PCDH15: variants seen among roughly 807,000 people sequenced by gnomAD.
PCDH15 encodes protocadherin-15.
A neutral mutation model predicts 178.5 loss-of-function variants in PCDH15; 129 were observed. That is an observed-to-expected ratio of 0.72 (90% CI 0.63 to 0.84). PCDH15 has a LOEUF of 0.84. PCDH15 is among the 40% of genes least tolerant of loss of function. The pLI is 0.00. For synonymous variants in PCDH15, 800 were observed against 732.0 expected, an observed-to-expected ratio of 1.09 and a Z score of -1.50; for missense variants, 2,230 against 2,099.9, an observed-to-expected ratio of 1.06 and a Z score of -1.21.
chr10:53,815,620 A>T (rs543320848), intron 35 of PCDH15, among the ~76,000 whole-genome samples: 4 of 152,304 alleles, frequency 2.6e-5, no homozygotes, highest in Non-Finnish European at 5.9e-5. Flanking sequence ...GAAAAGGAAT[A>T]AAATTTTTGT....
chr10:55,333,792 A>C (rs1182257594), intron 2 of PCDH15, among the ~76,000 whole-genome samples: 4 of 151,952 alleles, frequency 2.6e-5, no homozygotes, highest in Non-Finnish European at 4.4e-5. Flanking sequence ...TTTCTTAATA[A>C]AAATTTCAAG....
At chr10:54,521,059 T>C (rs1431470489) in intron 3 of PCDH15, among the ~76,000 whole-genome samples, 2 of 107,548 alleles carry the variant, frequency 1.9e-5, no homozygotes, top group Non-Finnish European at 3.5e-5. Context: ...CTGGGGACTG[T>C]TGTGGGGTGG....
At chr10:54,170,248 A>G (rs1237235180) in intron 13 of PCDH15, among the ~76,000 whole-genome samples, 2 of 103,746 alleles carry the variant, frequency 1.9e-5, no homozygotes, top group African/African-American at 4.0e-5. Context: ...TGATCTCTCA[A>G]ACCACAGCAA....
rs538222127 is a variant in PCDH15, at chr10:55,552,613, T to C, written c.-156+75012A>G. On this transcript the variant is annotated intron_variant, in intron 2 of 5. Coordinates refer to the PCDH15 transcript ENST00000613346. ...ATTAGCACTTCATAATTTGAAAAAATATACAGTTGTTACAGTCAACATTTT... is the reference window on the plus strand; with the variant it reads ...ATTAGCACTTCATAATTTGAAAAAACATACAGTTGTTACAGTCAACATTTT... Among the ~76,000 whole-genome samples, 6 of 151,462 alleles carry C rather than the reference T, an allele frequency of 4.0e-5. No individual in the cohort carries two copies. In the East Asian group the frequency reaches 1.2e-3, roughly 29 times the overall value.
intron 8 of PCDH15, among the ~76,000 whole-genome samples, chr10:54,314,908 G>A (rs1478084417): frequency 6.6e-6 from 1 of 152,110 alleles, no homozygotes; most frequent in Non-Finnish European, 1.5e-5. Context: ...TGTGGTATAT[G>A]TACATCATTT....
intron 8 of PCDH15, among the ~76,000 whole-genome samples, chr10:54,280,902 C>A (rs2058662911): frequency 6.6e-6 from 1 of 151,730 alleles, no homozygotes. Context: ...GCCCCAGTAT[C>A]TTAATACAAC....
chr10:54,068,329 A>T (rs1229238509), intron 17 of PCDH15, among the ~76,000 whole-genome samples: 2 of 152,112 alleles, frequency 1.3e-5, no homozygotes, highest in Non-Finnish European at 2.9e-5. Flanking sequence ...ACCCTTTGAA[A>T]ATTTATGTTG....
chr10:55,625,589 A>T (rs1318174979), intron 2 of PCDH15, among the ~76,000 whole-genome samples: 4 of 152,170 alleles, frequency 2.6e-5, no homozygotes, highest in South Asian at 4.1e-4. Flanking sequence ...ACTGTTCTAG[A>T]GCCTGGAACT....
intron 8 of PCDH15, among the ~76,000 whole-genome samples, chr10:54,237,174 C>T (rs1322930250): frequency 6.6e-6 from 1 of 152,088 alleles, no homozygotes; most frequent in Non-Finnish European, 1.5e-5. Flanking sequence ...AGTAACTACT[C>T]CTAAAAGGAA....
intron 3 of PCDH15, among the ~76,000 whole-genome samples, chr10:54,833,722 T>C (rs1953265756): frequency 1.3e-5 from 2 of 152,218 alleles, no homozygotes; most frequent in Non-Finnish European, 2.9e-5. Context: ...ATTGGCTCTG[T>C]TGCTATGGAG....
chr10:55,460,373 G>A (rs1839648476), intron 2 of PCDH15, among the ~76,000 whole-genome samples: 3 of 151,852 alleles, frequency 2.0e-5, no homozygotes, highest in Non-Finnish European at 2.9e-5. Flanking sequence ...CAGTTAAAAC[G>A]CAATAGAAGG....
chr10:54,247,959 T>C (rs113055557), intron 8 of PCDH15, among the ~76,000 whole-genome samples: 5,912 of 137,980 alleles, frequency 0.043, 393 homozygotes, highest in African/African-American at 0.16. Context: ...TATATATATA[T>C]ACACATACAG....
rs558697132 is a variant in PCDH15, at chr10:55,408,858, C to G, written c.-156+218767G>C. Among the ~76,000 whole-genome samples, 198 of 152,240 alleles carry G rather than the reference C, an allele frequency of 1.3e-3. 3 individuals carry two copies. The highest frequency in any genetic ancestry group is 4.7e-3 in the African/African-American group (197 of 41,554). ...AAGTCATGGATGATCTGCACTATGA[C>G]AAACCCGATGGACAATTTTAAGCTC... On this transcript the variant is annotated intron_variant, in intron 2 of 5. Transcript: ENST00000613346.
intron 3 of PCDH15, among the ~76,000 whole-genome samples, chr10:54,488,199 A>G (rs1193997805): frequency 6.6e-6 from 1 of 151,928 alleles, no homozygotes; most frequent in Non-Finnish European, 1.5e-5. Flanking sequence ...ATTTAAAACT[A>G]TGTTTTCAAT....
chr10:55,460,647 A>G (rs1839656755), intron 2 of PCDH15, among the ~76,000 whole-genome samples: 1 of 152,100 alleles, frequency 6.6e-6, no homozygotes, highest in African/African-American at 2.4e-5. Flanking sequence ...TAATATATTT[A>G]TCTTCCAATT....
chr10:54,202,751 G>T (rs1373676881), intron 10 of PCDH15, among the ~76,000 whole-genome samples: 2 of 148,726 alleles, frequency 1.3e-5, no homozygotes, highest in East Asian at 4.0e-4. Flanking sequence ...GGCAGAGGTT[G>T]CAGTGAGCCA....
intron 1 of PCDH15, among the ~76,000 whole-genome samples, chr10:54,716,455 C>G (rs1269470966): frequency 6.6e-6 from 1 of 152,098 alleles, no homozygotes; most frequent in Non-Finnish European, 1.5e-5. Context: ...GTTTGTAGTT[C>G]TCCTTGAAGA....
In PCDH15 at chr10:54,485,765, G is replaced by A. The variant is rs113744171; in HGVS notation, c.157+42047C>T. 7.2e-5 allele frequency among the ~76,000 whole-genome samples: 11 copies of A among 152,080 alleles called. No homozygotes were observed. The East Asian group carries it at 7.7e-4, about 11-fold the overall frequency. ...CCTTCAGCAGGGAGCATCCATATGC[G>A]TGTGTGCAATTCACATTGAGTTCTG... On this transcript the variant is annotated intron_variant, in intron 3 of 37. Coordinates refer to ENST00000644397, the MANE Select transcript of PCDH15 (RefSeq NM_001384140.1).
chr10:53,849,860 CAA>C (rs58458871), intron 28 of PCDH15, among the ~76,000 whole-genome samples: 4,563 of 52,450 alleles, frequency 0.087, 41 homozygotes, highest in Middle Eastern at 0.16. Flanking sequence ...GGCTCCGTCT[CAA>C]AAAAAAAAAA....
Sources: gnomAD v4.1 joint callset for allele counts (sites outside exome capture counted in the v4.1 genomes callset) on GRCh38, gnomAD v4.1.1 for gene constraint, MANE v1.5 for transcripts, NCBI Gene and HGNC (gene_info 2026-07-23, HGNC 2026-07-21) for gene names.